The following PPM1B variants were observed in gnomAD, a reference collection of about 807,000 sequenced individuals.
The protein encoded by PPM1B is protein phosphatase 1B.
In PPM1B, 22 loss-of-function variants were observed where a neutral mutation model predicts 43.0. That is an observed-to-expected ratio of 0.51 (90% CI 0.37 to 0.73). PPM1B has a LOEUF of 0.73. Among genes scored for constraint, PPM1B ranks in the 30% least tolerant of loss-of-function variants. PPM1B has a pLI of 0.00. For synonymous variants in PPM1B, 217 were observed against 197.9 expected (o/e 1.10, Z -0.81); for missense variants, 632 against 584.2 (o/e 1.08, Z -0.84).
In PPM1B at chr2:44,188,392, TC is replaced by T. The variant is rs1238136997; in HGVS notation, c.-14-12793del. Among the ~76,000 whole-genome samples the T allele has an allele frequency of 4.5e-3, 560 of 123,290 alleles. 4 individuals are homozygous for T. The highest frequency in any genetic ancestry group is 0.018 in the African/African-American group (535 of 30,110). The allele number at this position is 123,290 out of a possible 152,430, so 80.9% of individuals were successfully genotyped here. A position where few individuals can be genotyped will look rare whatever the true frequency, so the allele number is the denominator to read the frequency against. ...GTGCTGCTGAGTTTCTTTCTTTCTTTCTTTTTTTTTTTTTTTTTTTTGAGAC... is the reference window on the plus strand; with the variant it reads ...GTGCTGCTGAGTTTCTTTCTTTCTTTTTTTTTTTTTTTTTTTTTTTGAGAC... On this transcript the variant is annotated intron_variant, in intron 1 of 5. Coordinates refer to ENST00000282412, the MANE Select transcript of PPM1B (RefSeq NM_002706.6).
chr2:44,227,580 G>A (rs966413589), intron 5 of PPM1B, among the ~76,000 whole-genome samples: 3 of 150,094 alleles, frequency 2.0e-5, no homozygotes, highest in African/African-American at 7.4e-5. Context: ...TGCAGTGGGT[G>A]TGATCTTGGC....
intron 5 of PPM1B, chr2:44,244,204 T>C: frequency 8.5e-7 from 1 of 1,174,828 alleles, no homozygotes; most frequent in Non-Finnish European, 1.1e-6. Flanking sequence ...ATATATATAT[T>C]TCAATTTCTA....
At chr2:44,191,007 A>AT (rs750490869) in intron 1 of PPM1B, among the ~76,000 whole-genome samples, 10 of 152,212 alleles carry the variant, frequency 6.6e-5, no homozygotes, top group Non-Finnish European at 1.3e-4. Context: ...TTTAACAGAC[A>AT]TTAACATTTT....
intron 1 of PPM1B, among the ~76,000 whole-genome samples, chr2:44,171,584 C>T (rs954269574): frequency 2.0e-5 from 3 of 151,596 alleles, no homozygotes; most frequent in Non-Finnish European, 4.4e-5. Context: ...AATCTCAGCA[C>T]TTTGGGAGGC....
At chr2:44,183,634 C>T (rs1401123669) in intron 1 of PPM1B, among the ~76,000 whole-genome samples, 1 of 152,178 alleles carries the variant, frequency 6.6e-6, no homozygotes, top group African/African-American at 2.4e-5. Context: ...CAGTGAGCCC[C>T]AGGAGGAAGG....
chr2:44,206,649 T>C (rs1376044551), intron 2 of PPM1B, among the ~76,000 whole-genome samples: 3 of 149,976 alleles, frequency 2.0e-5, no homozygotes, highest in Non-Finnish European at 4.4e-5. Flanking sequence ...TAAAAGAAAT[T>C]AGATTTCTAA....
intron 1 of PPM1B, among the ~76,000 whole-genome samples, chr2:44,194,284 G>T (rs1355958191): frequency 2.0e-5 from 3 of 152,136 alleles, no homozygotes; most frequent in African/African-American, 7.2e-5. Context: ...CCTCGCTGTG[G>T]GATGATTGTG....
chr2:44,210,723 C>T (rs192047342), intron 3 of PPM1B, among the ~76,000 whole-genome samples: 1 of 152,040 alleles, frequency 6.6e-6, no homozygotes. Context: ...ATTCCCCTGC[C>T]CCCCATATTA....
chr2:44,204,843 A>G (rs2104148053), intron 2 of PPM1B, among the ~76,000 whole-genome samples: 1 of 129,984 alleles, frequency 7.7e-6, no homozygotes, highest in Non-Finnish European at 1.6e-5. Flanking sequence ...TGGGTGACAG[A>G]GCGAGACTCC....
At chr2:44,240,301 G>A (rs1169894850) in intron 5 of PPM1B, among the ~76,000 whole-genome samples, 1 of 146,014 alleles carries the variant, frequency 6.8e-6, no homozygotes, top group Non-Finnish European at 1.5e-5. Flanking sequence ...TGTTTCTGTT[G>A]TACATTTACA....
intron 1 of PPM1B, among the ~76,000 whole-genome samples, chr2:44,185,308 T>C (rs755545144): frequency 2.6e-5 from 4 of 152,198 alleles, no homozygotes; most frequent in Admixed American, 6.5e-5. Context: ...TGTTGAGAAC[T>C]GCTACTTTAA....
In PPM1B at chr2:44,188,784, C is replaced by T. The variant is rs539109937; in HGVS notation, c.-14-12402C>T. On this transcript the variant is annotated intron_variant, in intron 1 of 5. Coordinates refer to ENST00000282412, the MANE Select transcript of PPM1B (RefSeq NM_002706.6). ...CTTCTTTCCTTCCTTCCTTCCTTCCCTCCTTCCCTCCCCTTCCCACTCCCC... is the reference window on the plus strand; with the variant it reads ...CTTCTTTCCTTCCTTCCTTCCTTCCTTCCTTCCCTCCCCTTCCCACTCCCC... Among the ~76,000 whole-genome samples the T allele has an allele frequency of 6.9e-5, 10 of 145,638 alleles. No homozygotes were observed. In the East Asian group the frequency reaches 9.6e-4, roughly 14 times the overall value.
rs149411065 is a variant in PPM1B at position 44,224,866 on chromosome 2, C to T, written c.1135-5547C>T. Among the ~76,000 whole-genome samples, 554 of 152,188 alleles carry T rather than the reference C, an allele frequency of 3.6e-3. 3 individuals carry two copies. The highest frequency in any genetic ancestry group is 0.012 in the African/African-American group (510 of 41,532). ...TACTATATTAAGGAAATATAAACTT[C>T]AATATGAAATAACCTGTGGTGTTCT... On this transcript the variant is annotated intron_variant, in intron 5 of 5. Coordinates refer to ENST00000282412, the MANE Select transcript of PPM1B (RefSeq NM_002706.6).
chr2:44,233,784 G>A, downstream of PPM1B: 1 of 985,600 alleles, frequency 1.0e-6, no homozygotes, highest in South Asian at 4.7e-5. Context: ...TGGTCTAAAA[G>A]GAATTATTGC....
Position 44,230,524 on chromosome 2 carries a change from A to T in PPM1B, c.1246A>T (p.Thr416Ser), listed in dbSNP as rs1670423144. 1 of 1,614,160 alleles carries T rather than the reference A, an allele frequency of 6.2e-7. No homozygotes were observed. The highest frequency in any genetic ancestry group is 8.5e-7 in the Non-Finnish European group (1 of 1,180,018). The change falls in exon 6 of 6, where the codon ACT (threonine) becomes TCT (serine). Residue 416 changes from threonine to serine, a missense_variant. Thr to Ser is a moderately conservative substitution (Grantham distance 58, BLOSUM62 1). Coordinates refer to ENST00000282412, the MANE Select transcript of PPM1B (RefSeq NM_002706.6). Reference protein sequence around the residue: ...NYRQLLEEMLTSYRLAKVEGE... With the variant: ...NYRQLLEEMLSSYRLAKVEGE... The stretch of plus-strand genomic sequence containing the variant: ...CCGACAACTTCTGGAGGAGATGCTG[A>T]CTAGTTACAGGCTAGCTAAAGTAGA...
intron 1 of PPM1B, among the ~76,000 whole-genome samples, chr2:44,199,080 A>G (rs1433663564): frequency 1.3e-5 from 2 of 152,008 alleles, no homozygotes; most frequent in Non-Finnish European, 2.9e-5. Flanking sequence ...AACATAGTGA[A>G]ACCCCATCTC....
chr2:44,184,133 T>C (rs1668015200), intron 1 of PPM1B, among the ~76,000 whole-genome samples: 1 of 152,246 alleles, frequency 6.6e-6, no homozygotes, highest in Admixed American at 6.5e-5. Context: ...ATTATAATAG[T>C]ACCTTCCTCA....
chr2:44,216,739 A>G (rs536490561), intron 3 of PPM1B, among the ~76,000 whole-genome samples: 1 of 152,096 alleles, frequency 6.6e-6, no homozygotes, highest in Non-Finnish European at 1.5e-5. Context: ...CAGCCTGGCC[A>G]ACATGGTGAA....
chr2:44,198,056 C>G lies in PPM1B; in HGVS notation c.-14-3130C>G, dbSNP rs1304141200. Among the ~76,000 whole-genome samples, 4 of 152,124 alleles carry G rather than the reference C, an allele frequency of 2.6e-5. No individual in the cohort carries two copies. The South Asian group carries it at 6.2e-4, about 24-fold the overall frequency. ...ATTGACAGATTGTGCTGTTCTTAAG[C>G]CACGCTTGCCAATGTCCATGTGCCC... On this transcript the variant is annotated intron_variant, in intron 1 of 5. Transcript: ENST00000282412.
Sources: allele counts gnomAD v4.1 joint callset (sites outside exome capture counted in the v4.1 genomes callset), GRCh38; gene constraint gnomAD v4.1.1; transcripts MANE v1.5; gene names NCBI Gene and HGNC (gene_info 2026-07-23, HGNC 2026-07-21).